Variants in TUSC3 observed in about 807,000 individuals in gnomAD.
TUSC3 encodes tumor suppressor candidate 3.
Under a neutral mutation model 44.8 loss-of-function variants are expected in TUSC3, and 45 were observed. The observed-to-expected ratio is 1.00, with a 90% confidence interval of 0.79 to 1.29. TUSC3 has a LOEUF of 1.29. Ranked by LOEUF, TUSC3 falls within the 50% of genes most tolerant of loss-of-function variation. The probability of loss-of-function intolerance (pLI) is 0.00; values close to 1 mark genes in which losing one functional copy is unlikely to be tolerated. For missense variants in TUSC3, 519 were observed against 437.9 expected (o/e 1.19, Z -1.65); for synonymous variants, 212 against 152.9 (o/e 1.39, Z -2.85).
chr8:15,811,304 C>A, the TUSC3 span, among the ~76,000 whole-genome samples: 1 of 152,142 alleles, frequency 6.6e-6, no homozygotes, highest in South Asian at 2.1e-4. Flanking sequence ...CTCTTCACAT[C>A]GTCAATTGTC....
intron 1 of TUSC3, among the ~76,000 whole-genome samples, chr8:15,565,566 C>G (rs6990387): frequency 0.024 from 3,691 of 152,216 alleles, 143 homozygotes; most frequent in African/African-American, 0.083. Flanking sequence ...TCACCAGGCT[C>G]TTGAGAATCT....
At chr8:15,743,914 C>T (rs1200306393) in intron 8 of TUSC3, among the ~76,000 whole-genome samples, 2 of 152,190 alleles carry the variant, frequency 1.3e-5, no homozygotes, top group Non-Finnish European at 2.9e-5. Context: ...TTCCACCCGG[C>T]ACAGAGAGAT....
chr8:15,610,492 AT>A (rs1458468740), intron 1 of TUSC3, among the ~76,000 whole-genome samples: 3 of 152,008 alleles, frequency 2.0e-5, no homozygotes, highest in South Asian at 4.1e-4. Context: ...AGCAAACTTG[AT>A]TTATTTTAAA....
At chr8:15,500,671 C>G (rs1174225588) in intron 2 of TUSC3, among the ~76,000 whole-genome samples, 1 of 152,182 alleles carries the variant, frequency 6.6e-6, no homozygotes, top group Non-Finnish European at 1.5e-5. Flanking sequence ...AACCCTAAAA[C>G]ACTCAGTAAA....
intron 1 of TUSC3, among the ~76,000 whole-genome samples, chr8:15,441,223 A>G (rs1408783444): frequency 6.6e-6 from 1 of 152,234 alleles, no homozygotes; most frequent in Non-Finnish European, 1.5e-5. Context: ...TCTTGTCAAC[A>G]TGACGAAACC....
At chr8:15,805,978 A>T in the TUSC3 span, among the ~76,000 whole-genome samples, 1 of 152,176 alleles carries the variant, frequency 6.6e-6, no homozygotes, top group Non-Finnish European at 1.5e-5. Context: ...AAAAACAAAA[A>T]ATCAGTTATG....
At chr8:15,711,486 G>GTC (rs1487917637) in intron 6 of TUSC3, among the ~76,000 whole-genome samples, 18 of 143,832 alleles carry the variant, frequency 1.3e-4, no homozygotes, top group African/African-American at 4.4e-4. Flanking sequence ...GTGTGTGTGT[G>GTC]TGTGTGTGTA....
chr8:15,444,320 C>A (rs954019905), intron 1 of TUSC3, among the ~76,000 whole-genome samples: 1 of 152,112 alleles, frequency 6.6e-6, no homozygotes, highest in Non-Finnish European at 1.5e-5. Context: ...GTAGGGACTA[C>A]TGCAATGAGC....
At chr8:15,821,957 G>A in the TUSC3 span, among the ~76,000 whole-genome samples, 4 of 152,132 alleles carry the variant, frequency 2.6e-5, no homozygotes, top group African/African-American at 9.7e-5. Context: ...TTGGGATGCC[G>A]TTGCACATCT....
intron 1 of TUSC3, among the ~76,000 whole-genome samples, chr8:15,454,865 C>A (rs1388820687): frequency 6.6e-6 from 1 of 152,018 alleles, no homozygotes; most frequent in African/African-American, 2.4e-5. Context: ...TGAATATTAC[C>A]TTTTGAGGCA....
In TUSC3 at chr8:15,471,050, G is replaced by A. The variant is rs1314297974; in HGVS notation, n.92-12336G>A. On this transcript the variant is annotated intron_variant and non_coding_transcript_variant, in intron 1 of 5. Coordinates refer to the TUSC3 transcript ENST00000503191. ...AAAATGCAAGACAATAAAGGATGCA[G>A]TAAAAAAGTGCTCTGCAAACTCCCT... Among the ~76,000 whole-genome samples the A allele has an allele frequency of 3.3e-5, 5 of 152,308 alleles. No individual in the cohort carries two copies. The Middle Eastern group carries it at 0.01, about 313-fold the overall frequency.
chr8:15,534,365 T>C (rs1008647225), intron 2 of TUSC3, among the ~76,000 whole-genome samples: 3 of 152,096 alleles, frequency 2.0e-5, no homozygotes, highest in Non-Finnish European at 2.9e-5. Flanking sequence ...TTAGCCGGGC[T>C]GGGCGCGGTG....
the TUSC3 span, among the ~76,000 whole-genome samples, chr8:15,793,468 C>G: frequency 1.3e-5 from 2 of 151,378 alleles, no homozygotes; most frequent in Admixed American, 6.6e-5. Flanking sequence ...GTTATCTACA[C>G]AGCTCACCAC....
the TUSC3 span, among the ~76,000 whole-genome samples, chr8:15,803,700 TCTC>T: frequency 1.3e-5 from 2 of 152,106 alleles, no homozygotes; most frequent in Non-Finnish European, 2.9e-5. Flanking sequence ...GTTCTAATGC[TCTC>T]CTCCTCTTTT....
intron 6 of TUSC3, among the ~76,000 whole-genome samples, chr8:15,705,436 G>C (rs1809576832): frequency 6.6e-6 from 1 of 151,928 alleles, no homozygotes; most frequent in African/African-American, 2.4e-5. Flanking sequence ...TATTAAATTA[G>C]ATTGATCACC....
rs1161516540 is a variant in TUSC3 at position 15,504,588 on chromosome 8, T to G, written n.189+21105T>G. On this transcript the variant is annotated intron_variant and non_coding_transcript_variant, in intron 2 of 5. Coordinates refer to the TUSC3 transcript ENST00000503191. Reference sequence around the variant, plus strand: ...AAAGGCAACTTTCAGGATATATATATATATATATATATATATATATATATA... The same window carrying G: ...AAAGGCAACTTTCAGGATATATATAGATATATATATATATATATATATATA... Among the ~76,000 whole-genome samples the G allele has an allele frequency of 1.7e-4, 3 of 18,002 alleles. No individual in the cohort carries two copies. The South Asian group carries it at 0.01, about 61-fold the overall frequency. The allele number at this position is 18,002 out of a possible 152,430, so 11.8% of individuals were successfully genotyped here.
chr8:15,640,657 T>G (rs1806323816), intron 2 of TUSC3, among the ~76,000 whole-genome samples: 1 of 152,206 alleles, frequency 6.6e-6, no homozygotes, highest in Admixed American at 6.5e-5. Flanking sequence ...TTGTGGCTTT[T>G]TGTCGTGGAA....
chr8:15,531,093 G>A (rs915603101), intron 2 of TUSC3, among the ~76,000 whole-genome samples: 5 of 152,216 alleles, frequency 3.3e-5, no homozygotes, highest in East Asian at 3.9e-4. Context: ...CTGTGCATGC[G>A]GGCAGCTTAC....
the TUSC3 span, among the ~76,000 whole-genome samples, chr8:15,793,375 C>A: frequency 6.6e-6 from 1 of 152,258 alleles, no homozygotes; most frequent in East Asian, 1.9e-4. Flanking sequence ...CCCCTGTACT[C>A]CAGCCTTGCA....
Sources: gnomAD v4.1 joint callset for allele counts (sites outside exome capture counted in the v4.1 genomes callset) on GRCh38, gnomAD v4.1.1 for gene constraint, MANE v1.5 for transcripts, NCBI Gene and HGNC (gene_info 2026-07-23, HGNC 2026-07-21) for gene names.